Variants in DGKI observed in about 807,000 individuals in gnomAD.
The protein encoded by DGKI is diacylglycerol kinase iota.
A neutral mutation model predicts 147.5 loss-of-function variants in DGKI; 55 were observed. The ratio of observed to expected loss-of-function variants is 0.37; its 90% confidence interval spans 0.30 to 0.47. DGKI has a LOEUF of 0.47. DGKI is among the 20% of genes least tolerant of loss of function. The probability of loss-of-function intolerance (pLI) is 1.00; values close to 1 mark genes in which losing one functional copy is unlikely to be tolerated. For missense variants in DGKI, 1,007 were observed against 1,323.8 expected (o/e 0.76, Z 3.71); for synonymous variants, 469 against 477.1 (o/e 0.98, Z 0.22).
At chr7:137,461,224 C>T (rs1015487777) in intron 27 of DGKI, among the ~76,000 whole-genome samples, 11 of 152,272 alleles carry the variant, frequency 7.2e-5, no homozygotes, top group African/African-American at 2.6e-4. Context: ...GAAGCCAAAC[C>T]GACCTCAGGT....
At chr7:137,510,017 AGATCCAATCATG>A (rs1816524952) in intron 21 of DGKI, among the ~76,000 whole-genome samples, 1 of 152,230 alleles carries the variant, frequency 6.6e-6, no homozygotes, top group Middle Eastern at 3.2e-3. Flanking sequence ...GTGGAGCATG[AGATCCAATCATG>A]GATGCTGTTC....
chr7:137,785,602 G>A (rs1240043432), intron 1 of DGKI, among the ~76,000 whole-genome samples: 1 of 151,776 alleles, frequency 6.6e-6, no homozygotes, highest in African/African-American at 2.4e-5. Flanking sequence ...GACAAAGAAG[G>A]AATCCTCCCT....
intron 27 of DGKI, among the ~76,000 whole-genome samples, chr7:137,452,565 C>T (rs564459616): frequency 6.6e-6 from 1 of 152,270 alleles, no homozygotes; most frequent in African/African-American, 2.4e-5. Context: ...TCACTATATG[C>T]GTATTTTATT....
intron 20 of DGKI, among the ~76,000 whole-genome samples, chr7:137,529,159 A>C (rs1563070308): frequency 6.6e-6 from 1 of 152,184 alleles, no homozygotes; most frequent in Non-Finnish European, 1.5e-5. Flanking sequence ...TAAAGCCTCC[A>C]TGGAAATTTG....
intron 1 of DGKI, among the ~76,000 whole-genome samples, chr7:137,786,788 T>C (rs191673897): frequency 9.9e-5 from 15 of 151,894 alleles, no homozygotes; most frequent in African/African-American, 2.7e-4. Flanking sequence ...CATAGACCAG[T>C]GGAGCAGAAT....
At chr7:137,599,555 A>C (rs1351473378) in intron 11 of DGKI, among the ~76,000 whole-genome samples, 1 of 152,232 alleles carries the variant, frequency 6.6e-6, no homozygotes, top group Admixed American at 6.5e-5. Flanking sequence ...ACAGATTTGC[A>C]GAGAATAACC....
At chr7:137,783,847 C>T (rs1796590905) in intron 1 of DGKI, among the ~76,000 whole-genome samples, 1 of 152,150 alleles carries the variant, frequency 6.6e-6, no homozygotes, top group Non-Finnish European at 1.5e-5. Context: ...AAAACAGTTA[C>T]CAGCCAAGAA....
intron 20 of DGKI, among the ~76,000 whole-genome samples, chr7:137,541,192 T>C (rs1817689923): frequency 6.6e-6 from 1 of 152,144 alleles, no homozygotes; most frequent in Non-Finnish European, 1.5e-5. Flanking sequence ...GCATAAGCCA[T>C]AGGTCAATGG....
intron 21 of DGKI, among the ~76,000 whole-genome samples, chr7:137,498,745 A>T (rs951489699): frequency 6.6e-6 from 1 of 152,166 alleles, no homozygotes; most frequent in Non-Finnish European, 1.5e-5. Flanking sequence ...GCCCCAATAA[A>T]GTTGAATTTG....
chr7:137,715,280 C>T (rs927196361), intron 1 of DGKI, among the ~76,000 whole-genome samples: 1 of 152,210 alleles, frequency 6.6e-6, no homozygotes, highest in African/African-American at 2.4e-5. Flanking sequence ...TCTTCTCAGT[C>T]CACTGTATAA....
At chr7:137,808,754 GGAA>G (rs1463592548) in intron 1 of DGKI, among the ~76,000 whole-genome samples, 2 of 152,152 alleles carry the variant, frequency 1.3e-5, no homozygotes, top group South Asian at 2.1e-4. Flanking sequence ...AGCAGAAAAA[GGAA>G]GAAGAACATA....
intron 3 of DGKI, among the ~76,000 whole-genome samples, chr7:137,664,409 A>AAGAG (rs1423004398): frequency 6.6e-6 from 1 of 151,588 alleles, no homozygotes. Flanking sequence ...GAAAGAAAGA[A>AAGAG]AGAAAAAAAA....
intron 2 of DGKI, among the ~76,000 whole-genome samples, chr7:137,685,948 G>A (rs534460770): frequency 4.1e-4 from 63 of 152,168 alleles, no homozygotes; most frequent in African/African-American, 1.2e-3. Context: ...AACTCCCAGC[G>A]AAATATCCCC....
At chr7:137,806,592 C>T (rs1423932477) in intron 1 of DGKI, among the ~76,000 whole-genome samples, 1 of 152,120 alleles carries the variant, frequency 6.6e-6, no homozygotes, top group African/African-American at 2.4e-5. Context: ...TGCCAACACG[C>T]CCGGCTAATT....
chr7:137,527,491 G>GTT (rs200009532), intron 20 of DGKI, among the ~76,000 whole-genome samples: 9 of 151,430 alleles, frequency 5.9e-5, no homozygotes, highest in African/African-American at 2.2e-4. Context: ...ATGTTTGCAA[G>GTT]TTTTTTTTTA....
intron 20 of DGKI, among the ~76,000 whole-genome samples, chr7:137,528,469 T>C (rs1473521026): frequency 1.3e-5 from 2 of 152,202 alleles, no homozygotes; most frequent in Non-Finnish European, 2.9e-5. Context: ...AGTCATGCAC[T>C]CCCACTGCCC....
intron 1 of DGKI, among the ~76,000 whole-genome samples, chr7:137,810,665 A>C (rs1797535538): frequency 6.6e-6 from 1 of 152,186 alleles, no homozygotes; most frequent in African/African-American, 2.4e-5. Context: ...GTCTATAAAG[A>C]ATTGGCTGGG....
At chr7:137,680,598 G>A in intron 2 of DGKI, among the ~76,000 whole-genome samples, 1 of 152,016 alleles carries the variant, frequency 6.6e-6, no homozygotes, top group Admixed American at 6.5e-5. Context: ...TGGACAACAT[G>A]GTGAAACCCC....
At chr7:137,817,735 T>A (rs932960978) in intron 1 of DGKI, among the ~76,000 whole-genome samples, 1 of 152,242 alleles carries the variant, frequency 6.6e-6, no homozygotes, top group African/African-American at 2.4e-5. Flanking sequence ...ATTTCAATGA[T>A]AAGAGTCCTA....
Sources: gnomAD v4.1 joint callset for allele counts (sites outside exome capture counted in the v4.1 genomes callset) on GRCh38, gnomAD v4.1.1 for gene constraint, MANE v1.5 for transcripts, NCBI Gene and HGNC (gene_info 2026-07-23, HGNC 2026-07-21) for gene names.